Variants in TNIK observed in about 807,000 individuals in gnomAD.
TNIK encodes the protein TRAF2 and NCK interacting kinase, also known as TRAF2 and NCK-interacting protein kinase.
In TNIK, 49 loss-of-function variants were observed where a neutral mutation model predicts 191.3. That is an observed-to-expected ratio of 0.26 (90% confidence interval 0.20 to 0.32). TNIK has a LOEUF of 0.32. Ranked by LOEUF, TNIK falls within the 10% of genes least tolerant of loss-of-function variation. TNIK has a pLI of 1.00. For synonymous variants in TNIK, 594 were observed against 600.9 expected (o/e 0.99, Z 0.17); for missense variants, 1,155 against 1,702.3 (o/e 0.68, Z 5.66).
intron 2 of TNIK, chr3:171,347,136 T>C: frequency 2.0e-6 from 3 of 1,515,436 alleles, no homozygotes; most frequent in East Asian, 2.5e-5. Flanking sequence ...GGCTTGGTGA[T>C]GAAATTCAGG....
At chr3:171,399,766 C>T (rs999767953) in intron 1 of TNIK, among the ~76,000 whole-genome samples, 10 of 152,068 alleles carry the variant, frequency 6.6e-5, no homozygotes, top group Non-Finnish European at 1.5e-4. Flanking sequence ...AGAAAATATA[C>T]GTGTTTAGTG....
intron 1 of TNIK, among the ~76,000 whole-genome samples, chr3:171,384,511 G>T (rs76557491): frequency 2.2e-4 from 33 of 152,262 alleles, no homozygotes; most frequent in African/African-American, 7.7e-4. Flanking sequence ...GCATATTAAT[G>T]GTACCAAAGT....
intron 8 of TNIK, among the ~76,000 whole-genome samples, chr3:171,177,022 T>C (rs1045054973): frequency 6.6e-6 from 1 of 152,226 alleles, no homozygotes; most frequent in African/African-American, 2.4e-5. Context: ...CACAGTTTTA[T>C]GTCAGGTGAG....
intron 18 of TNIK, among the ~76,000 whole-genome samples, chr3:171,118,376 T>C (rs1036906290): frequency 2.6e-5 from 4 of 152,294 alleles, no homozygotes; most frequent in South Asian, 2.1e-4. Context: ...AGGTAATTTA[T>C]AGATTCAATG....
intron 1 of TNIK, among the ~76,000 whole-genome samples, chr3:171,401,131 A>C (rs1720901466): frequency 6.6e-6 from 1 of 152,104 alleles, no homozygotes; most frequent in Non-Finnish European, 1.5e-5. Context: ...AAAAAAGAAG[A>C]AGCTGGGAAC....
At chr3:171,281,110 T>C (rs1346164071) in intron 2 of TNIK, among the ~76,000 whole-genome samples, 1 of 152,158 alleles carries the variant, frequency 6.6e-6, no homozygotes, top group Non-Finnish European at 1.5e-5. Flanking sequence ...AACATTCTGG[T>C]TCAATTGAGA....
rs142197160 is a variant in TNIK at position 171,352,861 on chromosome 3, T to A, written c.123+16759A>T. On this transcript the variant is annotated intron_variant, in intron 2 of 32. Coordinates refer to ENST00000436636, the MANE Select transcript of TNIK (RefSeq NM_015028.4). The stretch of plus-strand genomic sequence containing the variant: ...CCCAAGTCTCCTCTCTGAAAACTAA[T>A]GAGGCTTTAATGTATTCAGAAATGC... Among the ~76,000 whole-genome samples the A allele has an allele frequency of 2.5e-4, 38 of 152,320 alleles. No individual in the cohort carries two copies. The East Asian group carries it at 5.4e-3, about 22-fold the overall frequency.
intron 9 of TNIK, among the ~76,000 whole-genome samples, chr3:171,170,515 T>G (rs1294564967): frequency 6.6e-6 from 1 of 152,236 alleles, no homozygotes; most frequent in East Asian, 1.9e-4. Flanking sequence ...TTACTTAACT[T>G]CTATGTGTCT....
chr3:171,312,355 TA>T (rs1754134768), intron 2 of TNIK, among the ~76,000 whole-genome samples: 1 of 152,034 alleles, frequency 6.6e-6, no homozygotes, highest in African/African-American at 2.4e-5. Flanking sequence ...TCTATGTAAC[TA>T]TATGTAGTAT....
At chr3:171,105,412 A>G (rs1560117625) in intron 21 of TNIK, among the ~76,000 whole-genome samples, 1 of 152,210 alleles carries the variant, frequency 6.6e-6, no homozygotes, top group Non-Finnish European at 1.5e-5. Context: ...AACTGTCTCC[A>G]GATTTTGCCA....
chr3:171,456,185 C>A (rs1048938757), intron 1 of TNIK, among the ~76,000 whole-genome samples: 2 of 152,096 alleles, frequency 1.3e-5, no homozygotes, highest in African/African-American at 4.8e-5. Context: ...AATGCCTTAC[C>A]CTGTGGGCCA....
intron 1 of TNIK, among the ~76,000 whole-genome samples, chr3:171,455,071 AC>A (rs1369972433): frequency 1.3e-5 from 2 of 152,204 alleles, no homozygotes; most frequent in African/African-American, 4.8e-5. Context: ...GGCTGCACTT[AC>A]CTCATATGTA....
chr3:171,340,063 C>T (rs1757365764), intron 2 of TNIK, among the ~76,000 whole-genome samples: 1 of 152,112 alleles, frequency 6.6e-6, no homozygotes, highest in African/African-American at 2.4e-5. Context: ...ACAGTAGATA[C>T]ATACAATCTA....
intron 2 of TNIK, among the ~76,000 whole-genome samples, chr3:171,305,857 A>G (rs1166261146): frequency 6.6e-6 from 1 of 152,168 alleles, no homozygotes. Flanking sequence ...CAGCAATCCC[A>G]CTACTGGGTA....
chr3:171,317,144 A>T (rs890728947), intron 2 of TNIK, among the ~76,000 whole-genome samples: 1 of 152,060 alleles, frequency 6.6e-6, no homozygotes, highest in Non-Finnish European at 1.5e-5. Flanking sequence ...CCAGGGGAAG[A>T]TGATTAACTA....
intron 12 of TNIK, 66 bp downstream of exon 12, chr3:171,157,394 G>C (rs1371150697): frequency 1.3e-6 from 2 of 1,523,488 alleles, no homozygotes; most frequent in Non-Finnish European, 1.8e-6. Flanking sequence ...GGGCCCCCAG[G>C]GAATGCTTGG....
chr3:171,440,181 A>G (rs1422301398), intron 1 of TNIK, among the ~76,000 whole-genome samples: 1 of 152,130 alleles, frequency 6.6e-6, no homozygotes, highest in Non-Finnish European at 1.5e-5. Flanking sequence ...CATTTCCTAG[A>G]GGGTATTCTC....
At chr3:171,163,140 T>C (rs1734216933) in intron 10 of TNIK, among the ~76,000 whole-genome samples, 1 of 152,142 alleles carries the variant, frequency 6.6e-6, no homozygotes, top group African/African-American at 2.4e-5. Flanking sequence ...AGTAGTTAGG[T>C]GCCTGGGTGT....
Position 171,138,241 on chromosome 3 carries a change from G to C in TNIK, c.1558C>G (p.His520Asp), listed in dbSNP as rs759740584. The C allele has an allele frequency of 9.9e-6, 16 of 1,613,104 alleles. No individual in the cohort carries two copies. Among genetic ancestry groups the C allele is most frequent in the Non-Finnish European group, 1.4e-5 (16 of 1,179,674 alleles). ...QRPVEKKPLY[H>D]YKEGMSPSEK... is the part of the protein sequence containing the mutation. ...CTAGGACTCATTCCTTCTTTGTAAT[G>C]GTACAGTGGCTTCTTCTCCACAGGC... Residue 520 changes from histidine to aspartate, a missense_variant, in exon 15 of 33, where the codon CAT becomes GAT. Transcript: ENST00000436636.
Sources: allele counts gnomAD v4.1 joint callset (sites outside exome capture counted in the v4.1 genomes callset), GRCh38; gene constraint gnomAD v4.1.1; transcripts MANE v1.5; gene names NCBI Gene and HGNC (gene_info 2026-07-23, HGNC 2026-07-21).